Variants in KRT77 observed in about 807,000 individuals in gnomAD.
KRT77 encodes keratin, type II cytoskeletal 1b.
KRT77 carries 44 observed loss-of-function variants against 51.5 expected under a neutral mutation model. The ratio of observed to expected loss-of-function variants is 0.85; its 90% confidence interval spans 0.67 to 1.10. The LOEUF is 1.10. Ranked by LOEUF, KRT77 falls within the 50% of genes least tolerant of loss-of-function variation. KRT77 has a pLI of 0.00. For synonymous variants in KRT77, 293 were observed against 302.0 expected, an observed-to-expected ratio of 0.97 and a Z score of 0.31; for missense variants, 763 against 743.9, an observed-to-expected ratio of 1.03 and a Z score of -0.30.
intron 5 of KRT77, among the ~76,000 whole-genome samples, chr12:52,693,993 G>A (rs1013165641): frequency 2.7e-5 from 4 of 150,716 alleles, no homozygotes; most frequent in Non-Finnish European, 4.4e-5. Flanking sequence ...ACTGATATCA[G>A]GCCACTGCAC....
At chr12:52,697,012 G>A (rs1592273550) in intron 2 of KRT77, among the ~76,000 whole-genome samples, 1 of 152,214 alleles carries the variant, frequency 6.6e-6, no homozygotes, top group Admixed American at 6.5e-5. Context: ...AGGAGCAGCT[G>A]ATCTGGAATT....
chr12:52,698,091 AG>A (rs1941827505), intron 1 of KRT77, 195 bp from the exon 2 acceptor site: 1 of 1,486,802 alleles, frequency 6.7e-7, no homozygotes, highest in Admixed American at 2.0e-5. Context: ...AATGGCTGTA[AG>A]GTCAACTTGC....
At chr12:52,698,787 C>A (rs1487742887) in intron 1 of KRT77, among the ~76,000 whole-genome samples, 2 of 152,250 alleles carry the variant, frequency 1.3e-5, no homozygotes, top group African/African-American at 2.4e-5. Flanking sequence ...GATGCTGCCT[C>A]CAGACTTTGC....
At position 52,691,285 on chromosome 12, in the gene KRT77, G is replaced by A. The variant is rs1298763288; in HGVS notation, c.1617C>T (p.Gly539=). The A allele has an allele frequency of 1.3e-6, 2 of 1,598,356 alleles. No individual in the cohort carries two copies. Among genetic ancestry groups the A allele is most frequent in the East Asian group, 2.3e-5 (1 of 44,384 alleles). The change falls in exon 9 of 9, where the codon GGC becomes GGT. Residue 539 remains glycine (G), a synonymous_variant. Coordinates refer to ENST00000341809, the MANE Select transcript of KRT77 (RefSeq NM_175078.3). ...GARGRSGGGY[G]SGCGGGGGSY... ...TCCCGCCACCGCCGCCGCAGCCGCT[G>A]CCATAACCGCCTCCACTCCTGCCTC...
chr12:52,696,329 C>A (rs1458410096), intron 3 of KRT77, 41 bp downstream of exon 3: 1 of 1,601,832 alleles, frequency 6.2e-7, no homozygotes, highest in African/African-American at 1.3e-5. Flanking sequence ...CCCTCAGCCT[C>A]CTGGGTCCAC....
chr12:52,701,342 C>T lies in KRT77; in HGVS notation c.543+1550G>A, dbSNP rs1043909775. On this transcript the variant is annotated intron_variant, in intron 1 of 8. Coordinates refer to ENST00000341809, the MANE Select transcript of KRT77 (RefSeq NM_175078.3). ...GCCACGGGAGCACGCTGCTGTGTTG[C>T]GCTCCTCTTCGGCAGCCTCTGGGCC... 3.3e-5 allele frequency among the ~76,000 whole-genome samples: 5 copies of T among 152,350 alleles called. No individual in the cohort carries two copies. In the East Asian group the frequency reaches 5.8e-4, roughly 18 times the overall value.
At position 52,691,236 on chromosome 12, in the gene KRT77, C is replaced by T. The variant is rs1399803466; in HGVS notation, c.1666G>A (p.Gly556Ser). ...ATCTGCACGCGCGAGGATCCGCGGCCGCTTCTGCCGCTCCCTCCGTAGCTC... is the reference window on the plus strand; with the variant it reads ...ATCTGCACGCGCGAGGATCCGCGGCTGCTTCTGCCGCTCCCTCCGTAGCTC... ...GGSYGGSGRS[G>S]RGSSRVQIIQ... The change falls in exon 9 of 9, where the codon GGC becomes AGC. Residue 556 changes from glycine (G) to serine (S), a missense_variant. Transcript: ENST00000341809. The T allele has an allele frequency of 1.2e-6, 2 of 1,613,294 alleles. No homozygotes were observed. The highest frequency in any genetic ancestry group is 1.7e-5 in the Admixed American group (1 of 59,980).
chr12:52,691,375 T>G lies in KRT77; in HGVS notation c.1527A>C (p.Gly509=), dbSNP rs1053019162. 5.0e-6 allele frequency: 8 copies of G among 1,603,464 alleles called. No homozygotes were observed. The African/African-American group carries it at 9.4e-5, about 19-fold the overall frequency. The change falls in exon 9 of 9, where the codon GGA becomes GGC. Residue 509 remains glycine, a synonymous_variant. Coordinates refer to ENST00000341809, the MANE Select transcript of KRT77 (RefSeq NM_175078.3). ...CCCCACCGCTGCCGCCGCCGTAGCCTCCTGAGCCGTAGCTGCCGCCGCCTC... is the reference window on the plus strand; with the variant it reads ...CCCCACCGCTGCCGCCGCCGTAGCCGCCTGAGCCGTAGCTGCCGCCGCCTC... ...GAGGGGSYGS[G]GYGGGSGGGY...
chr12:52,702,814 G>C, intron 1 of KRT77, 78 bp downstream of exon 1: 1 of 1,418,446 alleles, frequency 7.0e-7, no homozygotes, highest in Non-Finnish European at 9.8e-7. Context: ...GCACGATGTG[G>C]TGAGAGGTGG....
At chr12:52,696,605 G>A in intron 2 of KRT77, 175 bp from the exon 3 acceptor site, 1 of 617,852 alleles carries the variant, frequency 1.6e-6, no homozygotes, top group Non-Finnish European at 2.9e-6. Context: ...CATGGATGAG[G>A]GCAGAGCCAA....
chr12:52,691,967 G>A lies in KRT77; in HGVS notation c.1433C>T (p.Ser478Leu). 2 of 1,613,982 alleles carry A rather than the reference G, an allele frequency of 1.2e-6. No homozygotes were observed. The highest frequency in any genetic ancestry group is 1.7e-6 in the Non-Finnish European group (2 of 1,180,030). Reference protein sequence around the residue: ...QLLEGEESRMSGELQSHVSIS... With the variant: ...QLLEGEESRMLGELQSHVSIS... ...GCTCACATGGCTCTGCAGCTCTCCT[G>A]ACATCCTGTAAAACCAAAGCACACG... is the stretch of plus-strand genomic sequence containing the variant. The change falls in exon 8 of 9, where the codon TCA (serine) becomes TTA (leucine). Residue 478 changes from serine (S) to leucine (L), a missense_variant. Transcript: ENST00000341809.
rs190177586 is a variant in KRT77 at position 52,693,906 on chromosome 12, G to A, written c.1080+720C>T. 8.5e-4 allele frequency among the ~76,000 whole-genome samples: 116 copies of A among 136,312 alleles called. 3 individuals carry two copies. Among genetic ancestry groups the A allele is most frequent in the Middle Eastern group, 4.0e-3 (1 of 250 alleles). 89.4% of individuals were successfully genotyped at this position (136,312 alleles called of 152,430 possible). On this transcript the variant is annotated intron_variant, in intron 5 of 8. Transcript: ENST00000341809. ...ACAAAAATTAGCTTGGTGTAGTGGC[G>A]CGTGCCTGTAATCCCAGCTACTCAG...
chr12:52,699,888 A>G (rs576197719), intron 1 of KRT77, among the ~76,000 whole-genome samples: 23 of 152,334 alleles, frequency 1.5e-4, no homozygotes, highest in African/African-American at 5.1e-4. Flanking sequence ...CCATGGACAC[A>G]CAATGCCCAA....
Position 52,691,317 on chromosome 12 carries a change from C to A in KRT77, c.1585G>T (p.Gly529Trp). ...YGGGRSYRGG[G>W]ARGRSGGGYG... ...CCGCCTCCACTCCTGCCTCGTGCCC[C>A]GCCTCCGCGGTAGCTTCTTCCGCCG... Residue 529 changes from glycine (G) to tryptophan (W), a missense_variant, in exon 9 of 9, where the codon GGG becomes TGG. By Grantham distance (184) the Gly-to-Trp change is radical (BLOSUM62 -2). Transcript: ENST00000341809. The A allele has an allele frequency of 6.2e-7, 1 of 1,600,442 alleles. No individual in the cohort carries two copies. Among genetic ancestry groups the A allele is most frequent in the African/African-American group, 1.3e-5 (1 of 74,648 alleles).
chr12:52,702,404 C>CGT (rs138391129), intron 1 of KRT77, among the ~76,000 whole-genome samples: 20 of 150,560 alleles, frequency 1.3e-4, no homozygotes, highest in Non-Finnish European at 2.8e-4. Context: ...CAGATGAACA[C>CGT]GTGTGTGTGT....
chr12:52,696,283 C>A, intron 3 of KRT77, 87 bp downstream of exon 3: 1 of 1,303,568 alleles, frequency 7.7e-7, no homozygotes, highest in Non-Finnish European at 1.1e-6. Flanking sequence ...GCCACCCTGC[C>A]GTTGTCACAG....
intron 1 of KRT77, 76 bp from the exon 2 acceptor site, chr12:52,697,972 C>G (rs1941825581): frequency 1.4e-6 from 2 of 1,462,642 alleles, no homozygotes; most frequent in African/African-American, 2.8e-5. Context: ...CATCCATACC[C>G]CCTCAACACA....
intron 1 of KRT77, among the ~76,000 whole-genome samples, chr12:52,699,223 T>C (rs1006863405): frequency 6.6e-6 from 1 of 152,162 alleles, no homozygotes; most frequent in African/African-American, 2.4e-5. Flanking sequence ...TCAGGACTCA[T>C]TCACTGCACT....
intron 1 of KRT77, 108 bp downstream of exon 1, chr12:52,702,784 T>A (rs915648412): frequency 1.8e-6 from 2 of 1,120,318 alleles, no homozygotes; most frequent in Admixed American, 4.3e-5. Flanking sequence ...TTTTCTAAGG[T>A]CCCAGGTCAA....
Sources: gnomAD v4.1 joint callset for allele counts (sites outside exome capture counted in the v4.1 genomes callset) on GRCh38, gnomAD v4.1.1 for gene constraint, MANE v1.5 for transcripts, NCBI Gene and HGNC (gene_info 2026-07-23, HGNC 2026-07-21) for gene names.